The following ARAP1 variants were observed in gnomAD, a reference collection of about 807,000 sequenced individuals.
The protein encoded by ARAP1 is ArfGAP with RhoGAP domain, ankyrin repeat and PH domain 1, also known as arf-GAP with Rho-GAP domain, ANK repeat and PH domain-containing protein 1.
ARAP1 carries 76 observed loss-of-function variants against 172.2 expected under a neutral mutation model. The ratio of observed to expected loss-of-function variants is 0.44; its 90% CI spans 0.37 to 0.53. ARAP1 has a LOEUF of 0.53. Among genes scored for constraint, ARAP1 ranks in the 20% least tolerant of loss-of-function variants. The pLI, the probability that ARAP1 is intolerant of heterozygous loss-of-function variation, is 0.00. For synonymous variants in ARAP1, 804 were observed against 803.3 expected (o/e 1.00, Z -0.01); for missense variants, 1,686 against 1,977.5 (o/e 0.85, Z 2.80).
Position 72,687,522 on chromosome 11 carries a change from C to T in ARAP1, c.4122-20G>A, listed in dbSNP as rs2135483377. The T allele has an allele frequency of 2.5e-6, 4 of 1,614,108 alleles. No individual in the cohort carries two copies. In the East Asian group the frequency reaches 8.9e-5, roughly 36 times the overall value. On this transcript the variant is annotated intron_variant, in intron 32 of 34. Transcript: ENST00000393609. ...AGGTACCTGCAGGGTTGGACGCGGACCCACATGATGCCAAAGGCCTGACTG... is the reference window on the plus strand; with the variant it reads ...AGGTACCTGCAGGGTTGGACGCGGATCCACATGATGCCAAAGGCCTGACTG...
rs765281814 is a variant in ARAP1 at position 72,697,142 on chromosome 11, G to C, written c.3007C>G (p.Arg1003Gly). The C allele has an allele frequency of 2.5e-6, 4 of 1,605,546 alleles. No homozygotes were observed. Among genetic ancestry groups the C allele is most frequent in the Non-Finnish European group, 3.4e-6 (4 of 1,179,882 alleles). Residue 1003 changes from arginine (R) to glycine (G), a missense_variant, in exon 22 of 35, where the codon CGG becomes GGG. By Grantham distance (125) the Arg-to-Gly change is moderately radical. This residue lies in a region of ARAP1 where 274 missense variants were observed against 262.7 expected (regional missense o/e 1.04). Transcript: ENST00000393609. Reference protein sequence around the residue: ...RKCGQTSKTQRLLESLRQDAR... With the variant: ...RKCGQTSKTQGLLESLRQDAR... ...TCCTGCCGCAGGCTCTCCAGCAGCC[G>C]CTGTGTCTTCGATGTCTGCCCACAC... is the stretch of plus-strand genomic sequence containing the variant.
Position 72,726,732 on chromosome 11 carries a change from A to G in ARAP1, c.397T>C (p.Ser133Pro), listed in dbSNP as rs998888186. ...CLPPTCFTTP[S>P]TAAPDPVLPP... Reference sequence around the variant, plus strand: ...AGCACAGGGTCTGGGGCAGCTGTGGATGGGGTGGTGAAGCAGGTGGGCGGA... The same window carrying G: ...AGCACAGGGTCTGGGGCAGCTGTGGGTGGGGTGGTGAAGCAGGTGGGCGGA... The change falls in exon 3 of 35, where the codon TCC becomes CCC. Residue 133 changes from serine (S) to proline (P), a missense_variant. This residue lies in a region of ARAP1 where 190 missense variants were observed against 228.6 expected (regional missense o/e 0.83). Transcript: ENST00000393609. This position sits in a 1 kb window ranked among gnomAD's most constrained non-coding sequence, Gnocchi z 6.5. 2 of 1,279,076 alleles carry G rather than the reference A, an allele frequency of 1.6e-6. No individual in the cohort carries two copies. Among genetic ancestry groups the G allele is most frequent in the African/African-American group, 3.5e-5 (2 of 56,848 alleles). 79.2% of individuals were successfully genotyped at this position (1,279,076 alleles called of 1,614,324 possible).
chr11:72,685,548 G>A lies in ARAP1; in HGVS notation c.*116C>T. ...GTCAGGATGGAGGATGTGGGTTGTG[G>A]GGTGCAGTTTCCCATGCACCCCCCG... On this transcript the variant is annotated 3_prime_UTR_variant, in exon 35 of 35. Transcript: ENST00000393609. 3 of 1,395,326 alleles carry A rather than the reference G, an allele frequency of 2.2e-6. No individual in the cohort carries two copies. The South Asian group carries it at 3.5e-5, about 16-fold the overall frequency. 86.4% of individuals were successfully genotyped at this position (1,395,326 alleles called of 1,614,324 possible). A position where few individuals can be genotyped will look rare whatever the true frequency, so the allele number is the denominator to read the frequency against.
intron 3 of ARAP1, chr11:72,721,866 G>A (rs1857524805): frequency 1.0e-6 from 1 of 985,710 alleles, no homozygotes; most frequent in Non-Finnish European, 1.2e-6. Context: ...ACGCCTGCTG[G>A]GTCTTGGGGC....
chr11:72,745,089 G>A (rs1852267680), intron 1 of ARAP1, among the ~76,000 whole-genome samples: 1 of 152,170 alleles, frequency 6.6e-6, no homozygotes, highest in South Asian at 2.1e-4. Flanking sequence ...GGAGTGGAAA[G>A]GGGTGGCCCA....
intron 15 of ARAP1, 136 bp downstream of exon 15, chr11:72,702,769 C>T (rs1170349452): frequency 1.7e-6 from 2 of 1,156,156 alleles, no homozygotes; most frequent in Non-Finnish European, 2.4e-6. Context: ...ACATGCAAAC[C>T]CAAGCACACC....
intron 29 of ARAP1, 21 bp from the exon 30 acceptor site, chr11:72,692,806 G>T: frequency 6.2e-7 from 1 of 1,613,186 alleles, no homozygotes. Flanking sequence ...GAGGATCAGG[G>T]TTATGGAAGA....
In ARAP1 at chr11:72,712,335, C is replaced by A. The variant is rs141567247; in HGVS notation, c.883G>T (p.Gly295Ter). The A allele has an allele frequency of 1.9e-6, 3 of 1,548,892 alleles. No individual in the cohort carries two copies. The highest frequency in any genetic ancestry group is 2.3e-5 in the East Asian group (1 of 43,920). ...AAGCTCAGGCTGCTGGTATGCCATC[C>A]GCCACTAGCGAGAGATGAGGGGATG... ...DHAYEGVPNGGWHTSSLSLSL... is the reference protein window; with the variant it reads ...DHAYEGVPNG Residue 295 changes from glycine to a stop codon, truncating the protein, a stop_gained, in exon 7 of 35, where the codon GGA becomes TGA. Coordinates refer to ENST00000393609, the MANE Select transcript of ARAP1 (RefSeq NM_001040118.3). LOFTEE classifies it high-confidence loss of function.
intron 3 of ARAP1, among the ~76,000 whole-genome samples, chr11:72,716,963 C>A (rs1366285695): frequency 6.6e-6 from 1 of 152,198 alleles, no homozygotes; most frequent in African/African-American, 2.4e-5. Flanking sequence ...GTGGGCACTG[C>A]ACCAGGCCGT....
At position 72,686,074 on chromosome 11, in the gene ARAP1, T is replaced by G. The variant is rs1855669228; in HGVS notation, c.4303A>C (p.Ser1435Arg). Reference protein sequence around the residue: ...LRGSENEMRRSVAAFTADPLS... With the variant: ...LRGSENEMRRRVAAFTADPLS... ...GGGTCCGCGGTGAAGGCAGCCACAC[T>G]CCGGCGCATTTCATTTTCACTACCT... Residue 1435 changes from serine to arginine, a missense_variant, in exon 34 of 35, where the codon AGT (serine) becomes CGT (arginine). Physicochemically the swap from Ser to Arg is moderately radical, Grantham distance 110 (BLOSUM62 -1). Coordinates refer to ENST00000393609, the MANE Select transcript of ARAP1 (RefSeq NM_001040118.3). 1 of 1,613,966 alleles carries G rather than the reference T, an allele frequency of 6.2e-7. No individual in the cohort carries two copies. The highest frequency in any genetic ancestry group is 1.7e-5 in the Admixed American group (1 of 60,010).
intron 2 of ARAP1, among the ~76,000 whole-genome samples, chr11:72,728,172 A>G (rs1411277650): frequency 6.6e-6 from 1 of 152,250 alleles, no homozygotes; most frequent in East Asian, 1.9e-4. Context: ...AAAATCAGAA[A>G]GGAAGAGATA....
intron 12 of ARAP1, 98 bp from the exon 13 acceptor site, chr11:72,705,988 G>T: frequency 1.6e-6 from 2 of 1,234,850 alleles, no homozygotes; most frequent in Non-Finnish European, 1.2e-6. Context: ...GGGATGAGAG[G>T]CCACAGGCAG....
chr11:72,697,533 C>T (rs774526265), intron 20 of ARAP1, 47 bp from the exon 21 acceptor site: 8 of 1,612,838 alleles, frequency 5.0e-6, no homozygotes, highest in South Asian at 1.1e-5. Flanking sequence ...CCTATCCCAC[C>T]CTGTCCCCAG....
chr11:72,751,199 C>T (rs568561344), intron 1 of ARAP1, among the ~76,000 whole-genome samples: 13 of 152,168 alleles, frequency 8.5e-5, no homozygotes, highest in African/African-American at 2.9e-4. Context: ...TCCCCAGGCC[C>T]AGTCCTGACA....
chr11:72,688,600 C>A (rs1043903045), intron 30 of ARAP1, 63 bp from the exon 31 acceptor site: 1 of 1,409,914 alleles, frequency 7.1e-7, no homozygotes, highest in Non-Finnish European at 9.9e-7. Flanking sequence ...GGCCGCTCTC[C>A]CGACTGGGCA....
rs1591232381 is a variant in ARAP1 at position 72,727,140 on chromosome 11, G to A, written c.-12C>T. On this transcript the variant is annotated 5_prime_UTR_variant, in exon 3 of 35. Transcript: ENST00000393609. ...CCAGCCTCTGCCATGGTTCCTGCCA[G>A]CGGAGGCCTGACTGGCAGGGCTTTG... 6.4e-7 allele frequency: 1 copy of A among 1,568,752 alleles called. No homozygotes were observed. Among genetic ancestry groups the A allele is most frequent in the Non-Finnish European group, 8.7e-7 (1 of 1,154,726 alleles).
At chr11:72,702,354 T>C (rs142527929) in intron 15 of ARAP1, among the ~76,000 whole-genome samples, 57 of 151,596 alleles carry the variant, frequency 3.8e-4, no homozygotes, top group Admixed American at 9.2e-4. Context: ...CCCTCAGTCC[T>C]GGGATGTGGC....
At chr11:72,739,001 G>T (rs773917483) in intron 1 of ARAP1, among the ~76,000 whole-genome samples, 7 of 152,086 alleles carry the variant, frequency 4.6e-5, no homozygotes, top group Non-Finnish European at 1.0e-4. Flanking sequence ...CCTTCTCCAG[G>T]CTCCGCTCAC....
At chr11:72,724,365 G>A (rs1322780596) in intron 3 of ARAP1, among the ~76,000 whole-genome samples, 1 of 152,182 alleles carries the variant, frequency 6.6e-6, no homozygotes, top group Non-Finnish European at 1.5e-5. Context: ...GGTTGAGAGA[G>A]TGAGTTCCCC....
Sources: allele counts gnomAD v4.1 joint callset (sites outside exome capture counted in the v4.1 genomes callset), GRCh38; gene constraint gnomAD v4.1.1; regional missense constraint gnomAD v4.1.1; non-coding constraint Gnocchi (gnomAD v3.1); transcripts MANE v1.5; gene names NCBI Gene and HGNC (gene_info 2026-07-23, HGNC 2026-07-21).